Variants in TANK observed in about 807,000 individuals in gnomAD.
The protein encoded by TANK is TRAF family member associated NFKB activator.
In TANK, 15 loss-of-function variants were observed where a neutral mutation model predicts 43.6. The observed-to-expected ratio is 0.34, with a 90% CI of 0.23 to 0.53. The LOEUF is 0.53. Among genes scored for constraint, TANK ranks in the 20% least tolerant of loss-of-function variants. The pLI, the probability that TANK is intolerant of heterozygous loss-of-function variation, is 0.94. For missense variants in TANK, 417 were observed against 498.6 expected, an observed-to-expected ratio of 0.84 and a Z score of 1.56; for synonymous variants, 162 against 178.2, an observed-to-expected ratio of 0.91 and a Z score of 0.73.
intron 2 of TANK, among the ~76,000 whole-genome samples, chr2:161,189,227 T>G (rs1397761035): frequency 2.6e-5 from 4 of 152,176 alleles, no homozygotes; most frequent in Non-Finnish European, 4.4e-5. Flanking sequence ...CAGTAATGGT[T>G]CAGCATACAA....
chr2:161,171,959 T>C (rs1684959936), intron 1 of TANK, among the ~76,000 whole-genome samples: 1 of 152,194 alleles, frequency 6.6e-6, no homozygotes, highest in African/African-American at 2.4e-5. Flanking sequence ...TACCACTCTT[T>C]TGAAAAATCA....
rs1035012974 is a variant in TANK at position 161,224,075 on chromosome 2, A to G, written c.404+84A>G. 46 of 933,784 alleles carry G rather than the reference A, an allele frequency of 4.9e-5. No individual in the cohort carries two copies. The Admixed American group carries it at 6.5e-4, about 13-fold the overall frequency. 57.8% of individuals were successfully genotyped at this position (933,784 alleles called of 1,614,324 possible). A position where few individuals can be genotyped will look rare whatever the true frequency, so the allele number is the denominator to read the frequency against. ...ATATTTGTTTTTTTTAAGCTTTAAC[A>G]ATTGCAAAAAAAATAGCCTTTTAGA... is the stretch of plus-strand genomic sequence containing the variant. On this transcript the variant is annotated intron_variant, in intron 5 of 7. Coordinates refer to ENST00000392749, the MANE Select transcript of TANK (RefSeq NM_001199135.3).
chr2:161,219,868 T>C (rs1391582834), intron 4 of TANK: 5 of 377,422 alleles, frequency 1.3e-5, no homozygotes, highest in Non-Finnish European at 2.1e-5. Context: ...TTATTTTCAG[T>C]TTTTTTCCTA....
rs575352950 is a variant in TANK at position 161,198,519 on chromosome 2, G to C, written c.100-4968G>C. ...CAACTCCACTAGGAATTGCCCTGATGGTGACTCTCTGCATTGGCCTCACTC... is the reference window on the plus strand; with the variant it reads ...CAACTCCACTAGGAATTGCCCTGATCGTGACTCTCTGCATTGGCCTCACTC... On this transcript the variant is annotated intron_variant, in intron 2 of 7. Coordinates refer to ENST00000392749, the MANE Select transcript of TANK (RefSeq NM_001199135.3). Among the ~76,000 whole-genome samples, 3 of 152,332 alleles carry C rather than the reference G, an allele frequency of 2.0e-5. No homozygotes were observed. In the East Asian group the frequency reaches 5.8e-4, roughly 29 times the overall value.
intron 1 of TANK, among the ~76,000 whole-genome samples, chr2:161,178,158 A>G (rs1232790160): frequency 6.6e-6 from 1 of 152,150 alleles, no homozygotes; most frequent in African/African-American, 2.4e-5. Context: ...TTCCACTTCT[A>G]GGTATATATC....
At chr2:161,225,634 A>T (rs1426639301) in intron 6 of TANK, among the ~76,000 whole-genome samples, 1 of 152,190 alleles carries the variant, frequency 6.6e-6, no homozygotes, top group Admixed American at 6.5e-5. Flanking sequence ...ATTTATAATG[A>T]TAAATTCTCC....
At chr2:161,160,009 G>C (rs937095211), upstream of TANK, 73 of 162,888 alleles carry the variant, frequency 4.5e-4, 1 homozygote, top group Admixed American at 5.1e-4. Context: ...CTTCACTCCA[G>C]TTGCTCTGAA....
intron 1 of TANK, among the ~76,000 whole-genome samples, chr2:161,151,146 T>A (rs1179697809): frequency 2.0e-5 from 3 of 152,236 alleles, no homozygotes; most frequent in Non-Finnish European, 4.4e-5. Context: ...AGATACTTTG[T>A]ATGATTTCAA....
In TANK at chr2:161,229,024, C is replaced by T. The variant is rs553507578; in HGVS notation, c.521-1947C>T. Among the ~76,000 whole-genome samples the T allele has an allele frequency of 2.2e-4, 34 of 152,282 alleles. No individual in the cohort carries two copies. The East Asian group carries it at 5.8e-3, about 26-fold the overall frequency. On this transcript the variant is annotated intron_variant, in intron 6 of 7. Transcript: ENST00000392749. ...GACTGCATTTCTCAAAATGTTCCGTCGTTAAGTGACACATAACTATATAAC... is the reference window on the plus strand; with the variant it reads ...GACTGCATTTCTCAAAATGTTCCGTTGTTAAGTGACACATAACTATATAAC...
intron 4 of TANK, among the ~76,000 whole-genome samples, chr2:161,220,020 G>A (rs1194243446): frequency 1.3e-5 from 2 of 152,022 alleles, no homozygotes; most frequent in African/African-American, 2.4e-5. Flanking sequence ...AAGGATTCTC[G>A]TTTCTGTTTT....
intron 4 of TANK, among the ~76,000 whole-genome samples, chr2:161,214,513 G>GTTT (rs34231998): frequency 6.8e-6 from 1 of 147,218 alleles, no homozygotes; most frequent in Non-Finnish European, 1.5e-5. Context: ...TTTTTTGCTG[G>GTTT]TTTTTTTTTT....
chr2:161,177,184 G>A (rs1293313811), intron 1 of TANK, among the ~76,000 whole-genome samples: 2 of 152,068 alleles, frequency 1.3e-5, no homozygotes, highest in African/African-American at 4.8e-5. Flanking sequence ...ATCTATCAGA[G>A]GTAGCAGTAG....
intron 4 of TANK, 22 bp from the exon 5 acceptor site, chr2:161,223,893 G>C (rs1403100784): frequency 6.6e-7 from 1 of 1,513,530 alleles, no homozygotes; most frequent in South Asian, 1.2e-5. Flanking sequence ...AGTAGTAATA[G>C]TAATCATTTT....
chr2:161,196,723 G>A (rs1039852306), intron 2 of TANK, among the ~76,000 whole-genome samples: 19 of 152,098 alleles, frequency 1.2e-4, no homozygotes, highest in South Asian at 8.3e-4. Flanking sequence ...GGTGTGATGC[G>A]GGAGCGCTTG....
intron 4 of TANK, among the ~76,000 whole-genome samples, chr2:161,210,125 G>A (rs1686815161): frequency 6.6e-6 from 1 of 152,126 alleles, no homozygotes; most frequent in Non-Finnish European, 1.5e-5. Flanking sequence ...CAGCAGATAT[G>A]GTGGCTTTGA....
At chr2:161,166,481 G>T (rs1684685409) in intron 1 of TANK, among the ~76,000 whole-genome samples, 1 of 152,324 alleles carries the variant, frequency 6.6e-6, no homozygotes, top group South Asian at 2.1e-4. Context: ...TAATATTTTT[G>T]AGTGTCTTTA....
At chr2:161,156,240 T>G (rs542568845), upstream of TANK, 1 of 985,416 alleles carries the variant, frequency 1.0e-6, no homozygotes, top group Non-Finnish European at 1.2e-6. Flanking sequence ...TTTTTCAAGC[T>G]TTTACTCTAA....
intron 1 of TANK, among the ~76,000 whole-genome samples, chr2:161,138,731 T>C (rs1295090531): frequency 6.6e-6 from 1 of 152,176 alleles, no homozygotes; most frequent in Non-Finnish European, 1.5e-5. Context: ...TAAACACTTA[T>C]GACATTGAGT....
At chr2:161,178,067 G>C (rs534031493) in intron 1 of TANK, among the ~76,000 whole-genome samples, 114 of 152,210 alleles carry the variant, frequency 7.5e-4, no homozygotes, top group Middle Eastern at 3.4e-3. Context: ...AATGCTAGTG[G>C]AAATGTAGAA....
Sources: gnomAD v4.1 joint callset for allele counts (sites outside exome capture counted in the v4.1 genomes callset) on GRCh38, gnomAD v4.1.1 for gene constraint, MANE v1.5 for transcripts, NCBI Gene and HGNC (gene_info 2026-07-23, HGNC 2026-07-21) for gene names.